The following ZNF385D variants were observed in gnomAD, a reference collection of about 807,000 sequenced individuals.
The protein encoded by ZNF385D is zinc finger protein 659.
Under a neutral mutation model 35.8 loss-of-function variants are expected in ZNF385D, and 15 were observed. The ratio of observed to expected loss-of-function variants is 0.42; its 90% confidence interval spans 0.28 to 0.64. The LOEUF is 0.64. Ranked by LOEUF, ZNF385D falls within the 30% of genes least tolerant of loss-of-function variation. The probability of loss-of-function intolerance (pLI) is 0.23; values close to 1 mark genes in which losing one functional copy is unlikely to be tolerated. For missense variants in ZNF385D, 474 were observed against 494.6 expected (o/e 0.96, Z 0.39); for synonymous variants, 212 against 186.8 (o/e 1.13, Z -1.10).
At chr3:22,008,852 TGAA>T (rs1421613817) in intron 3 of ZNF385D, among the ~76,000 whole-genome samples, 1 of 152,122 alleles carries the variant, frequency 6.6e-6, no homozygotes, top group Admixed American at 6.5e-5. Context: ...TCAAAGCATA[TGAA>T]GAATTGTAAA....
At chr3:21,860,985 T>C (rs1297471989) in intron 3 of ZNF385D, among the ~76,000 whole-genome samples, 2 of 152,292 alleles carry the variant, frequency 1.3e-5, no homozygotes, top group Middle Eastern at 3.4e-3. Flanking sequence ...ATGGCTGATA[T>C]ATGGTAAAGG....
chr3:21,713,167 G>A (rs1335703465), intron 1 of ZNF385D, among the ~76,000 whole-genome samples: 1 of 152,166 alleles, frequency 6.6e-6, no homozygotes, highest in Non-Finnish European at 1.5e-5. Flanking sequence ...CACACATGTG[G>A]AGTTAAGAAT....
chr3:22,258,541 TAGC>T (rs769965784), intron 2 of ZNF385D, among the ~76,000 whole-genome samples: 58 of 151,772 alleles, frequency 3.8e-4, no homozygotes, highest in African/African-American at 6.5e-4. Flanking sequence ...CCTCTCTGGG[TAGC>T]AGAACTTGTA....
intron 2 of ZNF385D, among the ~76,000 whole-genome samples, chr3:22,230,825 T>C (rs1383129504): frequency 6.6e-6 from 1 of 152,192 alleles, no homozygotes; most frequent in Non-Finnish European, 1.5e-5. Context: ...TATTGTTGTC[T>C]GCTTGCAGTG....
chr3:22,109,164 G>A (rs1702381616), intron 3 of ZNF385D, among the ~76,000 whole-genome samples: 1 of 152,158 alleles, frequency 6.6e-6, no homozygotes, highest in African/African-American at 2.4e-5. Flanking sequence ...CCTTCAAGCT[G>A]CAGATAACTA....
chr3:21,906,088 T>C (rs1699671657), intron 3 of ZNF385D, among the ~76,000 whole-genome samples: 1 of 152,208 alleles, frequency 6.6e-6, no homozygotes, highest in African/African-American at 2.4e-5. Context: ...ATCCATCTCT[T>C]ACTCATCTTC....
intron 7 of ZNF385D, 102 bp from the exon 8 acceptor site, chr3:21,421,549 A>G (rs1013699899): frequency 5.5e-6 from 4 of 724,502 alleles, no homozygotes; most frequent in African/African-American, 3.6e-5. Flanking sequence ...GTAAACAACT[A>G]TAAAGAAAAA....
intron 3 of ZNF385D, among the ~76,000 whole-genome samples, chr3:21,975,390 G>A (rs1045211456): frequency 3.3e-5 from 5 of 152,160 alleles, no homozygotes; most frequent in African/African-American, 1.2e-4. Context: ...GAGTAAAATC[G>A]TGGTTACCAG....
chr3:21,925,296 G>T (rs1700672273), intron 3 of ZNF385D, among the ~76,000 whole-genome samples: 1 of 152,118 alleles, frequency 6.6e-6, no homozygotes, highest in African/African-American at 2.4e-5. Context: ...CAGAAGGATG[G>T]CCACACAGAT....
At chr3:22,140,891 A>G (rs1444801031) in intron 3 of ZNF385D, among the ~76,000 whole-genome samples, 1 of 152,214 alleles carries the variant, frequency 6.6e-6, no homozygotes, top group Non-Finnish European at 1.5e-5. Context: ...GAGACAATAC[A>G]ATACCCTACT....
chr3:21,471,587 A>G (rs921332327), intron 4 of ZNF385D, among the ~76,000 whole-genome samples: 15 of 152,234 alleles, frequency 9.9e-5, no homozygotes, highest in Admixed American at 7.2e-4. Context: ...ATTATACAAA[A>G]TCTTTAGTGA....
chr3:21,909,205 C>G (rs1015095258), intron 3 of ZNF385D, among the ~76,000 whole-genome samples: 1 of 150,624 alleles, frequency 6.6e-6, no homozygotes, highest in Non-Finnish European at 1.5e-5. Context: ...GGATATAATA[C>G]GGTCCACATA....
intron 3 of ZNF385D, among the ~76,000 whole-genome samples, chr3:22,128,778 A>G (rs554571471): frequency 8.0e-4 from 122 of 152,254 alleles, no homozygotes; most frequent in African/African-American, 2.8e-3. Flanking sequence ...TTAAATTTAT[A>G]TAAGATTTTG....
chr3:22,094,385 GATATATATATATAT>G (rs140274686), intron 3 of ZNF385D, among the ~76,000 whole-genome samples: 1 of 70,828 alleles, frequency 1.4e-5, no homozygotes, highest in Non-Finnish European at 3.3e-5. Context: ...ATTTATTGTT[GATATATATATATAT>G]ATATATATAT....
At position 21,830,011 on chromosome 3, in the gene ZNF385D, C is replaced by T. The variant is rs191733338; in HGVS notation, c.326-164983G>A. On this transcript the variant is annotated intron_variant, in intron 3 of 5. Transcript: ENST00000494108. ...TGATGGCAGGCGCCTTTAATCCCAG[C>T]TGCTCGGGAGGCTGAGGCAGGAGAA... Among the ~76,000 whole-genome samples, 391 of 152,056 alleles carry T rather than the reference C, an allele frequency of 2.6e-3. 1 individual carries two copies. The highest frequency in any genetic ancestry group is 8.9e-3 in the African/African-American group (370 of 41,504).
intron 3 of ZNF385D, among the ~76,000 whole-genome samples, chr3:21,935,851 C>T (rs1479954952): frequency 3.9e-5 from 6 of 152,072 alleles, no homozygotes; most frequent in Non-Finnish European, 1.5e-5. Flanking sequence ...AGCAGGAGTC[C>T]ACATCATGTG....
At chr3:22,150,993 C>A (rs1380797964) in intron 3 of ZNF385D, among the ~76,000 whole-genome samples, 2 of 152,154 alleles carry the variant, frequency 1.3e-5, no homozygotes, top group Admixed American at 1.3e-4. Flanking sequence ...CCCACATGGA[C>A]TTCTATCTAG....
chr3:21,715,591 A>AT (rs148436166), intron 1 of ZNF385D, among the ~76,000 whole-genome samples: 11,339 of 151,252 alleles, frequency 0.075, 587 homozygotes, highest in East Asian at 0.13. Context: ...AAATATATTG[A>AT]TTTTTTTTTC....
chr3:22,303,760 T>C (rs1559508589), intron 2 of ZNF385D, among the ~76,000 whole-genome samples: 1 of 152,102 alleles, frequency 6.6e-6, no homozygotes, highest in East Asian at 1.9e-4. Flanking sequence ...GTTTTTGGCA[T>C]TTACTTCTGT....
Sources: allele counts gnomAD v4.1 joint callset (sites outside exome capture counted in the v4.1 genomes callset), GRCh38; gene constraint gnomAD v4.1.1; transcripts MANE v1.5; gene names NCBI Gene and HGNC (gene_info 2026-07-23, HGNC 2026-07-21).